Variants in CHD6 observed in about 807,000 individuals in gnomAD.
The protein encoded by CHD6 is chromodomain helicase DNA binding protein 6.
In CHD6, 50 loss-of-function variants were observed where a neutral mutation model predicts 276.9. The observed-to-expected ratio is 0.18, with a 90% CI of 0.14 to 0.23. The LOEUF is 0.23. Ranked by LOEUF, CHD6 falls within the 10% of genes least tolerant of loss-of-function variation. The pLI is 1.00. For synonymous variants in CHD6, 1,173 were observed against 1,229.3 expected, an observed-to-expected ratio of 0.95 and a Z score of 0.96; for missense variants, 2,564 against 3,365.8, an observed-to-expected ratio of 0.76 and a Z score of 5.89.
intron 23 of CHD6, 53 bp downstream of exon 23, chr20:41,450,893 C>G: frequency 6.5e-7 from 1 of 1,539,152 alleles, no homozygotes; most frequent in Non-Finnish European, 8.9e-7. Context: ...TCCCAGGAAT[C>G]GAAGCAGTCT....
chr20:41,486,350 G>GA (rs2043414152), intron 14 of CHD6: 2 of 152,152 alleles, frequency 1.3e-5, no homozygotes, highest in Non-Finnish European at 2.9e-5. Context: ...CTAGGAAGAA[G>GA]AAAAAATGCA....
intron 3 of CHD6, among the ~76,000 whole-genome samples, chr20:41,519,674 C>T (rs1330037926): frequency 1.3e-5 from 2 of 152,050 alleles, no homozygotes; most frequent in Non-Finnish European, 2.9e-5. Context: ...AAAATTAATC[C>T]AAGATGGATT....
intron 17 of CHD6, among the ~76,000 whole-genome samples, chr20:41,457,855 T>C (rs759647165): frequency 2.0e-5 from 3 of 152,178 alleles, no homozygotes; most frequent in African/African-American, 7.2e-5. Flanking sequence ...TAGGGAAGTA[T>C]AATGACCTCT....
chr20:41,578,275 G>A (rs1247289326), intron 1 of CHD6, among the ~76,000 whole-genome samples: 1 of 151,950 alleles, frequency 6.6e-6, no homozygotes, highest in Non-Finnish European at 1.5e-5. Context: ...AACAAATAGA[G>A]GAGCACTTAA....
intron 1 of CHD6, among the ~76,000 whole-genome samples, chr20:41,610,039 T>C (rs1358126585): frequency 6.6e-6 from 1 of 151,948 alleles, no homozygotes; most frequent in Non-Finnish European, 1.5e-5. Context: ...GTATTTTTAG[T>C]AGAGTCAGGA....
chr20:41,503,567 T>C (rs1601025350), intron 5 of CHD6, among the ~76,000 whole-genome samples: 1 of 152,216 alleles, frequency 6.6e-6, no homozygotes, highest in Admixed American at 6.5e-5. Context: ...AGATTTTCTC[T>C]TGTGGCTTTT....
At chr20:41,462,612 AAAAT>A (rs2042827300) in intron 17 of CHD6, among the ~76,000 whole-genome samples, 1 of 152,220 alleles carries the variant, frequency 6.6e-6, no homozygotes, top group African/African-American at 2.4e-5. Context: ...GAGGAAAACT[AAAAT>A]AAACTCTGTG....
intron 2 of CHD6, among the ~76,000 whole-genome samples, chr20:41,538,336 G>T (rs2044875879): frequency 6.6e-6 from 1 of 152,034 alleles, no homozygotes; most frequent in Non-Finnish European, 1.5e-5. Context: ...AGGTGACAAA[G>T]TGAGACTCTG....
Position 41,437,298 on chromosome 20 carries a change from T to G in CHD6, c.4044A>C (p.Lys1348Asn). Reference protein sequence around the residue: ...NTDKEDNAEDKVDGLQKQTES... With the variant: ...NTDKEDNAEDNVDGLQKQTES... The stretch of plus-strand genomic sequence containing the variant: ...CCGTTTGTTTCTGGAGGCCATCTAC[T>G]TTGTCCTCAGCATTGTCTTCTTTAT... Residue 1348 changes from lysine to asparagine, a missense_variant, in exon 27 of 37, where the codon AAA (lysine) becomes AAC (asparagine). Physicochemically the swap from Lys to Asn is moderately conservative, Grantham distance 94 (BLOSUM62 0). Coordinates refer to ENST00000373233, the MANE Select transcript of CHD6 (RefSeq NM_032221.5). 2 of 1,613,716 alleles carry G rather than the reference T, an allele frequency of 1.2e-6. No homozygotes were observed.
intron 26 of CHD6, among the ~76,000 whole-genome samples, 177 bp from the exon 27 acceptor site, chr20:41,437,511 A>C (rs1223309808): frequency 6.6e-6 from 1 of 152,156 alleles, no homozygotes; most frequent in African/African-American, 2.4e-5. Context: ...TAATTGTTCT[A>C]TTATTATTGT....
At chr20:41,566,911 C>T (rs1484719675) in intron 1 of CHD6, among the ~76,000 whole-genome samples, 1 of 152,172 alleles carries the variant, frequency 6.6e-6, no homozygotes, top group Non-Finnish European at 1.5e-5. Flanking sequence ...TAGGAGGTAA[C>T]TAAAGCAAAT....
At chr20:41,466,178 G>T (rs2042915326) in intron 17 of CHD6, among the ~76,000 whole-genome samples, 1 of 152,098 alleles carries the variant, frequency 6.6e-6, no homozygotes, top group South Asian at 2.1e-4. Context: ...CTCCAGCCTG[G>T]GTAACACAGC....
intron 11 of CHD6, 143 bp from the exon 12 acceptor site, chr20:41,490,164 A>C: frequency 1.3e-6 from 1 of 754,988 alleles, no homozygotes; most frequent in South Asian, 1.8e-5. Context: ...AACTGAGGTT[A>C]GTTATTATTA....
chr20:41,423,489 C>T lies in CHD6; in HGVS notation c.4555+3G>A. The T allele has an allele frequency of 6.2e-7, 1 of 1,613,356 alleles. No homozygotes were observed. Among genetic ancestry groups the T allele is most frequent in the Non-Finnish European group, 8.5e-7 (1 of 1,179,286 alleles). On this transcript the variant is annotated splice_donor_region_variant and intron_variant, in intron 30 of 36. Coordinates refer to ENST00000373233, the MANE Select transcript of CHD6 (RefSeq NM_032221.5). ...TCTGACAATATACTGATAGTTTTCTCACCGCCATCTTTCCATGTGGGTAGA... is the reference window on the plus strand; with the variant it reads ...TCTGACAATATACTGATAGTTTTCTTACCGCCATCTTTCCATGTGGGTAGA...
chr20:41,404,860 G>A lies in CHD6; in HGVS notation c.7881C>T (p.Phe2627=), dbSNP rs1299847285. 1.2e-6 allele frequency: 2 copies of A among 1,614,084 alleles called. No individual in the cohort carries two copies. The highest frequency in any genetic ancestry group is 1.3e-5 in the African/African-American group (1 of 75,048). ...GAGCCATGCCCATACCAGGGGAGAG[G>A]AACATGGATGGGTAAATGAGTCCAG... is the stretch of plus-strand genomic sequence containing the variant. ...VSPGLIYPSM[F]LSPGMGMALP... The change falls in exon 37 of 37, where the codon TTC becomes TTT. Residue 2627 remains phenylalanine (F), a synonymous_variant. Coordinates refer to ENST00000373233, the MANE Select transcript of CHD6 (RefSeq NM_032221.5).
At chr20:41,564,754 C>T (rs6072424) in intron 1 of CHD6, among the ~76,000 whole-genome samples, 57,872 of 151,982 alleles carry the variant, frequency 0.38, 13,642 homozygotes, top group African/African-American at 0.65. Context: ...TCTAAACACC[C>T]AACATGTATA....
At chr20:41,484,205 G>T in intron 15 of CHD6, 147 bp downstream of exon 15, 1 of 1,058,282 alleles carries the variant, frequency 9.4e-7, no homozygotes, top group Non-Finnish European at 1.4e-6. Flanking sequence ...CAAGCTCTCT[G>T]AATCTCAGTT....
intron 1 of CHD6, among the ~76,000 whole-genome samples, chr20:41,605,761 A>G (rs1010561627): frequency 8.2e-6 from 1 of 121,720 alleles, no homozygotes; most frequent in Non-Finnish European, 1.6e-5. Context: ...CTATTAGTAA[A>G]ATTGACAAAA....
intron 1 of CHD6, among the ~76,000 whole-genome samples, chr20:41,577,517 A>C (rs75384419): frequency 2.0e-5 from 3 of 152,338 alleles, no homozygotes; most frequent in Admixed American, 1.3e-4. Context: ...AAAAAGATTC[A>C]AAAAAAGGTT....
Sources: gnomAD v4.1 joint callset for allele counts (sites outside exome capture counted in the v4.1 genomes callset) on GRCh38, gnomAD v4.1.1 for gene constraint, MANE v1.5 for transcripts, NCBI Gene and HGNC (gene_info 2026-07-23, HGNC 2026-07-21) for gene names.